The following CYLC2 variants were observed in gnomAD, a reference collection of about 807,000 sequenced individuals.
CYLC2 encodes the protein cylicin 2, also known as cylicin-2.
Under a neutral mutation model 26.1 loss-of-function variants are expected in CYLC2, and 30 were observed. That is an observed-to-expected ratio of 1.15 (90% confidence interval 0.86 to 1.56). The LOEUF (loss-of-function observed/expected upper bound fraction) is 1.56, where lower values mean the gene tolerates loss of function less well. CYLC2 is among the 40% of genes most tolerant of loss of function. The pLI, the probability that CYLC2 is intolerant of heterozygous loss-of-function variation, is 0.00. For missense variants in CYLC2, 498 were observed against 394.4 expected (o/e 1.26, Z -2.23); for synonymous variants, 158 against 132.8 (o/e 1.19, Z -1.31).
Position 103,004,774 on chromosome 9 carries a change from G to T in CYLC2, c.260G>T (p.Arg87Ile), listed in dbSNP as rs1281110682. 1.2e-6 allele frequency: 2 copies of T among 1,612,330 alleles called. No individual in the cohort carries two copies. Among genetic ancestry groups the T allele is most frequent in the Non-Finnish European group, 1.7e-6 (2 of 1,179,162 alleles). Residue 87 changes from arginine to isoleucine, a missense_variant, in exon 4 of 8, where the codon AGA becomes ATA. Physicochemically the swap from Arg to Ile is moderately conservative, Grantham distance 97. Transcript: ENST00000374798. ...CGTTCTTTAATGAGAATTTCTGAGAGACCATCTGTTTATTTAGCTGCCAGG... is the reference window on the plus strand; with the variant it reads ...CGTTCTTTAATGAGAATTTCTGAGATACCATCTGTTTATTTAGCTGCCAGG... The part of the protein sequence containing the change: ...MYRSLMRISE[R>I]PSVYLAARRQ...
chr9:103,018,097 T>C (rs539422470), intron 7 of CYLC2, among the ~76,000 whole-genome samples: 20 of 152,168 alleles, frequency 1.3e-4, no homozygotes, highest in African/African-American at 4.6e-4. Context: ...TTTTTTAGTT[T>C]TAATCACTCA....
In CYLC2 at chr9:103,003,278, G is replaced by T. The variant is rs1429929658; in HGVS notation, c.180+15G>T. The stretch of plus-strand genomic sequence containing the variant: ...ACACGGTTTCTGTAAGCATTGGAAA[G>T]ATTTTATAATTATCAGTAATAAGTA... On this transcript the variant is annotated intron_variant, in intron 3 of 7. Coordinates refer to ENST00000374798, the MANE Select transcript of CYLC2 (RefSeq NM_001340.5). 5 of 1,599,602 alleles carry T rather than the reference G, an allele frequency of 3.1e-6. No homozygotes were observed. Among genetic ancestry groups the T allele is most frequent in the Admixed American group, 1.7e-5 (1 of 58,136 alleles).
chr9:103,015,524 T>C (rs1403642477), intron 6 of CYLC2, among the ~76,000 whole-genome samples: 1 of 141,550 alleles, frequency 7.1e-6, no homozygotes, highest in African/African-American at 2.6e-5. Flanking sequence ...TACATGTTTA[T>C]ATATAAATAT....
Position 103,003,218 on chromosome 9 carries a change from C to T in CYLC2, c.135C>T (p.Thr45=), listed in dbSNP as rs1564097104. ...LLFPKPQRPG[T]KRRSKPSQIR... is the part of the protein sequence containing the mutation. ...TTCCCAAACCACAACGGCCAGGAACCAAAAGGAGATCAAAACCTTCTCAAA... is the reference window on the plus strand; with the variant it reads ...TTCCCAAACCACAACGGCCAGGAACTAAAAGGAGATCAAAACCTTCTCAAA... Residue 45 remains threonine, a synonymous_variant, in exon 3 of 8, where the codon ACC becomes ACT. Transcript: ENST00000374798. The T allele has an allele frequency of 1.2e-6, 2 of 1,613,786 alleles. No individual in the cohort carries two copies. Among genetic ancestry groups the T allele is most frequent in the East Asian group, 4.5e-5 (2 of 44,826 alleles).
At chr9:103,011,894 A>G (rs1029093205) in intron 5 of CYLC2, 88 bp from the exon 6 acceptor site, 1 of 149,990 alleles carries the variant, frequency 6.7e-6, no homozygotes, top group South Asian at 2.1e-4. Context: ...TCTTTGCAAC[A>G]TGTATCTTTG....
intron 6 of CYLC2, among the ~76,000 whole-genome samples, 191 bp from the exon 7 acceptor site, chr9:103,016,697 T>A (rs1829509978): frequency 6.6e-6 from 1 of 152,054 alleles, no homozygotes; most frequent in South Asian, 2.1e-4. Flanking sequence ...TCATATGGAT[T>A]GATTCAGTTG....
At position 103,014,537 on chromosome 9, in the gene CYLC2, ATATG is replaced by A. The variant is rs201501839; in HGVS notation, c.*817-2347_*817-2344del. ...ATACATAATATATGCAATATACATC[ATATG>A]TATATTATGCAGTATACATCATATG... On this transcript the variant is annotated intron_variant, in intron 6 of 7. Transcript: ENST00000374798. Among the ~76,000 whole-genome samples the A allele has an allele frequency of 8.1e-3, 1,118 of 138,354 alleles. 74 individuals carry two copies. The East Asian group carries it at 0.16, about 20-fold the overall frequency. The allele number at this position is 138,354 out of a possible 152,430, so 90.8% of individuals were successfully genotyped here.
At position 103,005,063 on chromosome 9, in the gene CYLC2, C is replaced by T; in HGVS notation, c.432C>T (p.Gly144=). 2.5e-6 allele frequency: 4 copies of T among 1,601,244 alleles called. No homozygotes were observed. The highest frequency in any genetic ancestry group is 3.4e-6 in the Non-Finnish European group (4 of 1,176,312). Residue 144 remains glycine (G), a synonymous_variant, in exon 5 of 8, where the codon GGC becomes GGT. Transcript: ENST00000374798. ...AAGGAAAAAAAGATTCAAAGAAAGG[C>T]AAGGATATAGAGAAAGGAAAAGAAG... ...LKQGKKDSKK[G]KDIEKGKEEK...
chr9:103,009,328 C>A (rs10990429), intron 5 of CYLC2, among the ~76,000 whole-genome samples: 8,466 of 152,166 alleles, frequency 0.056, 269 homozygotes, highest in South Asian at 0.11. Context: ...ACCTCAGCCT[C>A]CCCAGCAGCT....
chr9:103,012,753 T>C (rs1419815494), intron 6 of CYLC2, among the ~76,000 whole-genome samples: 1 of 151,860 alleles, frequency 6.6e-6, no homozygotes, highest in Non-Finnish European at 1.5e-5. Context: ...ATCAATTTTA[T>C]AGTTATTAAT....
At chr9:103,017,720 T>C (rs776633509) in intron 7 of CYLC2, among the ~76,000 whole-genome samples, 2 of 152,052 alleles carry the variant, frequency 1.3e-5, no homozygotes, top group Non-Finnish European at 1.5e-5. Context: ...AGGACTGCCA[T>C]GACAACAAAC....
intron 6 of CYLC2, among the ~76,000 whole-genome samples, chr9:103,015,439 TC>T (rs1829492383): frequency 7.3e-6 from 1 of 137,070 alleles, no homozygotes; most frequent in South Asian, 2.1e-4. Flanking sequence ...TACTTATATA[TC>T]ATTAATATAT....
intron 6 of CYLC2, among the ~76,000 whole-genome samples, chr9:103,016,449 A>T (rs779006395): frequency 2.5e-4 from 38 of 152,016 alleles, no homozygotes; most frequent in Admixed American, 6.6e-5. Flanking sequence ...GATTTTAATA[A>T]ATTATAATTT....
Position 103,002,354 on chromosome 9 carries a change from C to T in CYLC2, c.58+736C>T, listed in dbSNP as rs1312417160. Among the ~76,000 whole-genome samples the T allele has an allele frequency of 2.1e-4, 27 of 126,526 alleles. 1 individual carries two copies. In the Admixed American group the frequency reaches 2.7e-3, roughly 13 times the overall value. The allele number at this position is 126,526 out of a possible 152,430, so 83.0% of individuals were successfully genotyped here. ...CCATTCTTGGGTGTATAGCATTTGCCCCCTTTTTTTTTTTTTTTTTTTTTT... is the reference window on the plus strand; with the variant it reads ...CCATTCTTGGGTGTATAGCATTTGCTCCCTTTTTTTTTTTTTTTTTTTTTT... On this transcript the variant is annotated intron_variant, in intron 2 of 7. Coordinates refer to ENST00000374798, the MANE Select transcript of CYLC2 (RefSeq NM_001340.5).
intron 5 of CYLC2, among the ~76,000 whole-genome samples, chr9:103,009,941 T>A (rs1395234809): frequency 1.3e-5 from 2 of 150,040 alleles, no homozygotes; most frequent in Non-Finnish European, 1.5e-5. Context: ...ATATGTATTA[T>A]ACACACATAC....
intron 1 of CYLC2, among the ~76,000 whole-genome samples, chr9:102,998,444 G>A (rs1587849708): frequency 1.3e-5 from 2 of 151,976 alleles, no homozygotes; most frequent in Admixed American, 6.6e-5. Context: ...GAATGCAAAT[G>A]CACCCTGACC....
At chr9:103,014,573 ATG>A (rs1564101243) in intron 6 of CYLC2, among the ~76,000 whole-genome samples, 2 of 143,924 alleles carry the variant, frequency 1.4e-5, no homozygotes, top group African/African-American at 5.0e-5. Context: ...TATGTATATT[ATG>A]CAGTATACAT....
chr9:103,013,873 A>T (rs1396698166), intron 6 of CYLC2, among the ~76,000 whole-genome samples: 1 of 113,528 alleles, frequency 8.8e-6, no homozygotes, highest in South Asian at 2.8e-4. Flanking sequence ...ATTATATATT[A>T]TACATATAAT....
intron 6 of CYLC2, among the ~76,000 whole-genome samples, chr9:103,013,435 TA>T (rs1829440567): frequency 1.8e-5 from 2 of 108,900 alleles, no homozygotes; most frequent in South Asian, 5.6e-4. Context: ...CATATATACA[TA>T]ATACAGAAAT....
Sources: gnomAD v4.1 joint callset for allele counts (sites outside exome capture counted in the v4.1 genomes callset) on GRCh38, gnomAD v4.1.1 for gene constraint, MANE v1.5 for transcripts, NCBI Gene and HGNC (gene_info 2026-07-23, HGNC 2026-07-21) for gene names.